GATAD2B: variants seen among roughly 807,000 people sequenced by gnomAD.
GATAD2B encodes the protein transcriptional repressor p66-beta.
A neutral mutation model predicts 64.3 loss-of-function variants in GATAD2B; 8 were observed. The observed-to-expected ratio is 0.12, with a 90% CI of 0.07 to 0.22. GATAD2B has a LOEUF of 0.22. Ranked by LOEUF, GATAD2B falls within the 10% of genes least tolerant of loss-of-function variation. The pLI, the probability that GATAD2B is intolerant of heterozygous loss-of-function variation, is 1.00. For missense variants in GATAD2B, 453 were observed against 752.0 expected, an observed-to-expected ratio of 0.60 and a Z score of 4.65; for synonymous variants, 281 against 271.3, an observed-to-expected ratio of 1.04 and a Z score of -0.35.
Position 153,817,397 on chromosome 1 carries a change from A to G in GATAD2B, c.875T>C (p.Met292Thr). The part of the protein sequence containing the change: ...PGLVRTTTPN[M>T]NPAINYQPQS... ...CGGTTGATAATTGATGGCGGGATTC[A>G]TGTTGGGTGTTGTGGTGCGTACAAG... Residue 292 changes from methionine to threonine, a missense_variant, in exon 6 of 11, where the codon ATG (methionine) becomes ACG (threonine). Met to Thr is a moderately conservative substitution (Grantham distance 81, BLOSUM62 -1). This residue lies in a region of GATAD2B where 293 missense variants were observed against 417.2 expected (regional missense o/e 0.70). Transcript: ENST00000368655. 1 of 1,583,430 alleles carries G rather than the reference A, an allele frequency of 6.3e-7. No homozygotes were observed. The highest frequency in any genetic ancestry group is 8.6e-7 in the Non-Finnish European group (1 of 1,167,626).
At chr1:153,865,971 G>A (rs1229683632) in intron 1 of GATAD2B, among the ~76,000 whole-genome samples, 1 of 152,114 alleles carries the variant, frequency 6.6e-6, no homozygotes, top group Admixed American at 6.6e-5. Context: ...TTGGGAGGCT[G>A]AGGCGGACGG....
intron 1 of GATAD2B, among the ~76,000 whole-genome samples, chr1:153,828,983 T>C (rs951443824): frequency 2.0e-5 from 3 of 152,124 alleles, no homozygotes; most frequent in Non-Finnish European, 4.4e-5. Flanking sequence ...GGTGGGAGGA[T>C]GGCTTGAGCC....
At chr1:153,871,646 ATTTT>A (rs1046432703) in intron 1 of GATAD2B, among the ~76,000 whole-genome samples, 3 of 151,372 alleles carry the variant, frequency 2.0e-5, no homozygotes, top group Non-Finnish European at 4.4e-5. Flanking sequence ...TAATTTTTGT[ATTTT>A]TAGTAGAGAC....
chr1:153,877,296 T>C (rs1393481379), intron 1 of GATAD2B, among the ~76,000 whole-genome samples: 2 of 152,038 alleles, frequency 1.3e-5, no homozygotes, highest in Non-Finnish European at 2.9e-5. Context: ...TGTGCTATGA[T>C]CACACTACTG....
At chr1:153,880,748 T>G (rs529921607) in intron 1 of GATAD2B, among the ~76,000 whole-genome samples, 1 of 151,334 alleles carries the variant, frequency 6.6e-6, no homozygotes, top group Admixed American at 6.6e-5. Context: ...AGAGGCTGAG[T>G]TGGGAGGATA....
chr1:153,889,218 G>T (rs1464502961), intron 1 of GATAD2B, among the ~76,000 whole-genome samples: 3 of 151,734 alleles, frequency 2.0e-5, no homozygotes, highest in African/African-American at 7.3e-5. Flanking sequence ...TTCGAGACAA[G>T]CCTGACCAAC....
At chr1:153,811,143 C>G (rs191181357) in intron 10 of GATAD2B, among the ~76,000 whole-genome samples, 2 of 152,274 alleles carry the variant, frequency 1.3e-5, no homozygotes, top group Admixed American at 1.3e-4. Context: ...TCAAGTGATT[C>G]GCCTGCCTCG....
intron 1 of GATAD2B, among the ~76,000 whole-genome samples, chr1:153,907,812 T>G (rs138696756): frequency 2.6e-5 from 4 of 151,854 alleles, no homozygotes; most frequent in Non-Finnish European, 5.9e-5. Flanking sequence ...CTAATTTTTT[T>G]TGTGTTGTTT....
At chr1:153,841,723 T>C (rs536741173) in intron 1 of GATAD2B, among the ~76,000 whole-genome samples, 5 of 152,226 alleles carry the variant, frequency 3.3e-5, no homozygotes, top group Non-Finnish European at 7.3e-5. Flanking sequence ...TTTCCGTTTT[T>C]GGCTATTAGG....
intron 5 of GATAD2B, among the ~76,000 whole-genome samples, chr1:153,817,778 T>G (rs796739759): frequency 2.0e-5 from 3 of 152,106 alleles, no homozygotes; most frequent in African/African-American, 7.2e-5. Context: ...TCTAATCCTA[T>G]AGGGTTAGAT....
intron 1 of GATAD2B, among the ~76,000 whole-genome samples, chr1:153,887,682 C>G (rs541809952): frequency 1.4e-4 from 21 of 152,158 alleles, no homozygotes; most frequent in African/African-American, 5.1e-4. Context: ...CCACTGTACA[C>G]AGTCAAAGCA....
At chr1:153,881,152 C>T (rs1047201405) in intron 1 of GATAD2B, among the ~76,000 whole-genome samples, 4 of 152,176 alleles carry the variant, frequency 2.6e-5, no homozygotes, top group African/African-American at 9.6e-5. Flanking sequence ...CACTTACACA[C>T]ACGAGCGCGC....
intron 1 of GATAD2B, among the ~76,000 whole-genome samples, chr1:153,904,500 T>G (rs1677868982): frequency 6.6e-6 from 1 of 151,968 alleles, no homozygotes; most frequent in African/African-American, 2.4e-5. Context: ...AACAAAATGA[T>G]TCATTTATAA....
At chr1:153,855,779 G>A (rs1424580138) in intron 1 of GATAD2B, among the ~76,000 whole-genome samples, 3 of 151,964 alleles carry the variant, frequency 2.0e-5, no homozygotes, top group Non-Finnish European at 2.9e-5. Context: ...CAGCTCAAGC[G>A]ATTCTCCCAC....
At chr1:153,876,607 A>C (rs1401293786) in intron 1 of GATAD2B, among the ~76,000 whole-genome samples, 1 of 152,236 alleles carries the variant, frequency 6.6e-6, no homozygotes, top group Non-Finnish European at 1.5e-5. Context: ...GCCTAGAGGT[A>C]ATGAACAGGA....
chr1:153,890,362 C>A (rs911201870), intron 1 of GATAD2B, among the ~76,000 whole-genome samples: 2 of 150,910 alleles, frequency 1.3e-5, no homozygotes, highest in South Asian at 2.1e-4. Flanking sequence ...GTGGCACGCA[C>A]CTGTAGTCCC....
intron 2 of GATAD2B, among the ~76,000 whole-genome samples, chr1:153,820,620 T>C (rs1473236378): frequency 1.3e-5 from 2 of 152,098 alleles, no homozygotes; most frequent in Admixed American, 6.5e-5. Flanking sequence ...AGGGCAATTG[T>C]TCTTTGGTCC....
rs1674107353 is a variant in GATAD2B, at chr1:153,806,178, A to C, written c.*3999T>G. 1 of 152,188 alleles carries C rather than the reference A, an allele frequency of 6.6e-6. No individual in the cohort carries two copies. The highest frequency in any genetic ancestry group is 1.5e-5 in the Non-Finnish European group (1 of 68,054). 9.4% of individuals were successfully genotyped at this position (152,188 alleles called of 1,614,324 possible). A position where few individuals can be genotyped will look rare whatever the true frequency, so the allele number is the denominator to read the frequency against. ...CAGTGCAAATACAATTACAATTCAT[A>C]ATAATACTTGGTTTCGATGCCCCCG... On this transcript the variant is annotated 3_prime_UTR_variant, in exon 11 of 11. Transcript: ENST00000368655.
chr1:153,855,220 TTTTTG>T (rs927918699), intron 1 of GATAD2B, among the ~76,000 whole-genome samples: 4 of 32,066 alleles, frequency 1.2e-4, no homozygotes, highest in Non-Finnish European at 2.0e-4. Context: ...ATTAGCTTTC[TTTTTG>T]TTTTTTTTTT....
Sources: allele counts gnomAD v4.1 joint callset (sites outside exome capture counted in the v4.1 genomes callset), GRCh38; gene constraint gnomAD v4.1.1; regional missense constraint gnomAD v4.1.1; transcripts MANE v1.5; gene names NCBI Gene and HGNC (gene_info 2026-07-23, HGNC 2026-07-21).